The following UNC13C variants were observed in gnomAD, a reference collection of about 807,000 sequenced individuals.
The protein encoded by UNC13C is unc-13 homolog C.
Under a neutral mutation model 245.4 loss-of-function variants are expected in UNC13C, and 174 were observed. The observed-to-expected ratio is 0.71, with a 90% CI of 0.63 to 0.80. The LOEUF is 0.80. Ranked by LOEUF, UNC13C falls within the 30% of genes least tolerant of loss-of-function variation. The pLI, the probability that UNC13C is intolerant of heterozygous loss-of-function variation, is 0.00. For missense variants in UNC13C, 2,829 were observed against 2,602.9 expected (o/e 1.09, Z -1.89); for synonymous variants, 992 against 895.1 (o/e 1.11, Z -1.93).
chr15:54,331,893 A>G (rs2038445629), intron 14 of UNC13C, 150 bp from the exon 15 acceptor site: 2 of 492,420 alleles, frequency 4.1e-6, no homozygotes, highest in East Asian at 6.6e-5. Flanking sequence ...AATCACTGCT[A>G]TGCCACATAG....
intron 18 of UNC13C, among the ~76,000 whole-genome samples, chr15:54,410,839 G>A (rs574774584): frequency 5.3e-5 from 8 of 151,736 alleles, no homozygotes; most frequent in African/African-American, 1.9e-4. Flanking sequence ...TGTATGTTTG[G>A]GTTCTTTCTT....
In UNC13C at chr15:54,398,771, T is replaced by G. The variant is rs79181187; in HGVS notation, c.4847+5590T>G. On this transcript the variant is annotated intron_variant, in intron 18 of 32. Transcript: ENST00000260323. ...TGTAGTTGTTTATGCCAGTCTGTTA[T>G]TATTTTTTTATGTCTATTAAATCTG... Among the ~76,000 whole-genome samples, 716 of 151,562 alleles carry G rather than the reference T, an allele frequency of 4.7e-3. 35 individuals are homozygous for G. In the East Asian group the frequency reaches 0.1, roughly 22 times the overall value.
At chr15:54,567,698 A>T in intron 29 of UNC13C, 102 bp from the exon 30 acceptor site, 1 of 1,126,432 alleles carries the variant, frequency 8.9e-7, no homozygotes, top group Non-Finnish European at 1.2e-6. Context: ...TCTTGCATTG[A>T]TCAAATTGTA....
the UNC13C span, among the ~76,000 whole-genome samples, chr15:53,857,682 C>T: frequency 6.6e-6 from 1 of 152,154 alleles, no homozygotes; most frequent in Non-Finnish European, 1.5e-5. Context: ...CTATTATTAA[C>T]CAACTGCTGC....
intron 2 of UNC13C, among the ~76,000 whole-genome samples, chr15:54,121,162 A>G (rs953452444): frequency 6.6e-6 from 1 of 152,132 alleles, no homozygotes; most frequent in Non-Finnish European, 1.5e-5. Context: ...CCCAGAAGGA[A>G]GAGTCAATGA....
At chr15:53,866,623 C>G in the UNC13C span, among the ~76,000 whole-genome samples, 1 of 152,164 alleles carries the variant, frequency 6.6e-6, no homozygotes. Context: ...CCCGCAGGCA[C>G]CAGATCCAAT....
At chr15:54,435,189 A>T (rs1296462233) in intron 19 of UNC13C, among the ~76,000 whole-genome samples, 1 of 151,936 alleles carries the variant, frequency 6.6e-6, no homozygotes, top group Non-Finnish European at 1.5e-5. Flanking sequence ...TCAAAGATCT[A>T]GAACCAGAAA....
chr15:54,151,706 TA>T (rs1388298873), intron 4 of UNC13C, among the ~76,000 whole-genome samples: 1 of 152,100 alleles, frequency 6.6e-6, no homozygotes, highest in Non-Finnish European at 1.5e-5. Context: ...ACCCAGCATT[TA>T]CATTCCAGAT....
At chr15:54,248,863 G>C (rs1417565006) in intron 7 of UNC13C, among the ~76,000 whole-genome samples, 2 of 152,082 alleles carry the variant, frequency 1.3e-5, no homozygotes, top group Non-Finnish European at 2.9e-5. Flanking sequence ...AACATATTCT[G>C]GGAAAACACA....
At chr15:54,304,036 T>C (rs2037659255) in intron 13 of UNC13C, among the ~76,000 whole-genome samples, 1 of 152,136 alleles carries the variant, frequency 6.6e-6, no homozygotes, top group Non-Finnish European at 1.5e-5. Context: ...GACAACTGTC[T>C]AAGAGCAGGG....
chr15:53,990,477 A>C (rs1008796155), intron 1 of UNC13C, among the ~76,000 whole-genome samples: 7 of 152,066 alleles, frequency 4.6e-5, no homozygotes, highest in African/African-American at 1.7e-4. Flanking sequence ...TCTGTATATG[A>C]AGGACATATT....
At chr15:54,396,415 A>G (rs1178081294) in intron 18 of UNC13C, among the ~76,000 whole-genome samples, 1 of 151,514 alleles carries the variant, frequency 6.6e-6, no homozygotes, top group Non-Finnish European at 1.5e-5. Flanking sequence ...CACCCATGTT[A>G]TTTATTCATT....
intron 16 of UNC13C, 120 bp from the exon 17 acceptor site, chr15:54,338,241 C>G: frequency 8.7e-7 from 1 of 1,150,378 alleles, no homozygotes; most frequent in East Asian, 2.4e-5. Context: ...GGTAAGATGA[C>G]ACTTACTGAA....
At chr15:54,563,222 T>C (rs74657308) in intron 29 of UNC13C, among the ~76,000 whole-genome samples, 1 of 152,048 alleles carries the variant, frequency 6.6e-6, no homozygotes, top group African/African-American at 2.4e-5. Flanking sequence ...GTAACAACTT[T>C]AAGCTTCAGC....
chr15:54,573,228 T>G (rs1354876710), intron 30 of UNC13C, among the ~76,000 whole-genome samples: 1 of 152,216 alleles, frequency 6.6e-6, no homozygotes. Context: ...TCTCTCCTAT[T>G]TTTGTACTCC....
chr15:53,915,272 G>A, the UNC13C span, among the ~76,000 whole-genome samples: 1 of 152,132 alleles, frequency 6.6e-6, no homozygotes, highest in East Asian at 1.9e-4. Flanking sequence ...TGGAAGAGTG[G>A]GTGGAAGGAA....
chr15:54,143,795 G>C, intron 4 of UNC13C, 111 bp downstream of exon 4: 1 of 677,564 alleles, frequency 1.5e-6, no homozygotes, highest in East Asian at 2.8e-5. Context: ...TAGCCTCATT[G>C]TTACTTCATT....
In UNC13C at chr15:54,004,243, A is replaced by G. The variant is rs554218425; in HGVS notation, c.-256-8405A>G. ...GTTGCTTTGATTTCCAGATCCCACAAATAAGTGAGAATATGCAATGTTTGT... is the reference window on the plus strand; with the variant it reads ...GTTGCTTTGATTTCCAGATCCCACAGATAAGTGAGAATATGCAATGTTTGT... On this transcript the variant is annotated intron_variant, in intron 1 of 32. Coordinates refer to ENST00000260323, the MANE Select transcript of UNC13C (RefSeq NM_001080534.3). 2.0e-5 allele frequency among the ~76,000 whole-genome samples: 3 copies of G among 151,382 alleles called. No individual in the cohort carries two copies. The East Asian group carries it at 5.8e-4, about 29-fold the overall frequency.
chr15:54,038,124 A>ATATAAATTTTTTTTTTTTTTTTTTT, intron 2 of UNC13C, among the ~76,000 whole-genome samples: 1 of 45,040 alleles, frequency 2.2e-5, no homozygotes, highest in African/African-American at 1.1e-4. Context: ...ATATATATAT[A>ATATAAATTTTTTTTTTTTTTTTTTT]TTTTTTTTTT....
Sources: gnomAD v4.1 joint callset for allele counts (sites outside exome capture counted in the v4.1 genomes callset) on GRCh38, gnomAD v4.1.1 for gene constraint, MANE v1.5 for transcripts, NCBI Gene and HGNC (gene_info 2026-07-23, HGNC 2026-07-21) for gene names.